IFFO2: variants seen among roughly 807,000 people sequenced by gnomAD.
IFFO2 encodes intermediate filament family orphan 2.
Under a neutral mutation model 53.5 loss-of-function variants are expected in IFFO2, and 19 were observed. That is an observed-to-expected ratio of 0.36 (90% CI 0.25 to 0.52). IFFO2 has a LOEUF of 0.52. Among genes scored for constraint, IFFO2 ranks in the 20% least tolerant of loss-of-function variants. The probability of loss-of-function intolerance (pLI) is 0.94; values close to 1 mark genes in which losing one functional copy is unlikely to be tolerated. For missense variants in IFFO2, 570 were observed against 727.4 expected (o/e 0.78, Z 2.49); for synonymous variants, 303 against 313.6 (o/e 0.97, Z 0.36).
intron 1 of IFFO2, among the ~76,000 whole-genome samples, chr1:18,923,275 C>A (rs1485899121): frequency 2.0e-5 from 3 of 152,230 alleles, no homozygotes; most frequent in Non-Finnish European, 4.4e-5. Context: ...CCCAGAGGGG[C>A]CCTTGGGAAT....
In IFFO2 at chr1:18,905,726, ACAAC is replaced by A. The variant is rs1230419697; in HGVS notation, c.*2831_*2834del. ...GTGTGTGTGTGTGTGTGTGTATTTCACAACCAACCAGGGAGCCAAAAGGATGCTA... is the reference window on the plus strand; with the variant it reads ...GTGTGTGTGTGTGTGTGTGTATTTCACAACCAGGGAGCCAAAAGGATGCTA... On this transcript the variant is annotated 3_prime_UTR_variant, in exon 9 of 9. Transcript: ENST00000455833. 6.6e-6 allele frequency: 1 copy of A among 150,998 alleles called. No individual in the cohort carries two copies. The allele number at this position is 150,998 out of a possible 1,614,324, so 9.4% of individuals were successfully genotyped here. A position where few individuals can be genotyped will look rare whatever the true frequency, so the allele number is the denominator to read the frequency against.
chr1:18,929,111 T>C (rs530915716), intron 1 of IFFO2, among the ~76,000 whole-genome samples: 1 of 152,340 alleles, frequency 6.6e-6, no homozygotes, highest in East Asian at 1.9e-4. Context: ...TGTAGGCAAT[T>C]CTGCAGAAGG....
At position 18,905,027 on chromosome 1, in the gene IFFO2, G is replaced by C. The variant is rs1395952327; in HGVS notation, c.*3534C>G. The C allele has an allele frequency of 1.3e-5, 2 of 152,248 alleles. No individual in the cohort carries two copies. Among genetic ancestry groups the C allele is most frequent in the Non-Finnish European group, 2.9e-5 (2 of 68,076 alleles). The allele number at this position is 152,248 out of a possible 1,614,324, so 9.4% of individuals were successfully genotyped here. ...CCCAACCCTCTCCCAACGCAACTGG[G>C]TTGGAAATGGATCTCGGCAGACCAG... On this transcript the variant is annotated 3_prime_UTR_variant, in exon 9 of 9. Transcript: ENST00000455833.
rs1380039196 is a variant in IFFO2 at position 18,956,164 on chromosome 1, A to G, written c.169T>C (p.Leu57=). 1.8e-5 allele frequency: 27 copies of G among 1,480,778 alleles called. No homozygotes were observed. The highest frequency in any genetic ancestry group is 2.0e-5 in the Non-Finnish European group (22 of 1,105,306). The allele number at this position is 1,480,778 out of a possible 1,614,324, so 91.7% of individuals were successfully genotyped here. The change falls in exon 1 of 9, where the codon TTG becomes CTG. Residue 57 remains leucine, a synonymous_variant. Coordinates refer to ENST00000455833, the MANE Select transcript of IFFO2 (RefSeq NM_001136265.2). The surrounding 1 kb of genome is among the most constrained non-coding windows in gnomAD (Gnocchi z 6.4). ...RDDLGSNIHL[L]KGLNVRFRCF... The stretch of plus-strand genomic sequence containing the variant: ...CGGAAGCGCACGTTGAGCCCCTTCA[A>G]GAGGTGGATGTTGGAGCCCAGGTCG...
intron 1 of IFFO2, among the ~76,000 whole-genome samples, chr1:18,940,892 C>G (rs551903951): frequency 2.0e-5 from 3 of 152,308 alleles, no homozygotes; most frequent in African/African-American, 7.2e-5. Flanking sequence ...CCAAGTCCCC[C>G]CCAAAAGCCA....
chr1:18,923,076 G>T (rs748879149), intron 1 of IFFO2, among the ~76,000 whole-genome samples: 1 of 152,340 alleles, frequency 6.6e-6, no homozygotes, highest in South Asian at 2.1e-4. Context: ...TTCCAAAGCC[G>T]CTGAGCAGGG....
Position 18,918,335 on chromosome 1 carries a change from G to A in IFFO2, c.963+27C>T, listed in dbSNP as rs1203368413. 1 of 1,541,358 alleles carries A rather than the reference G, an allele frequency of 6.5e-7. No individual in the cohort carries two copies. The highest frequency in any genetic ancestry group is 8.8e-7 in the Non-Finnish European group (1 of 1,138,414). ...GCTGCTCTGGGAGAGTGGGGGGTTG[G>A]CTGGTGAGCAGGGCAGCCCTAGTCA... On this transcript the variant is annotated intron_variant, in intron 4 of 8. Transcript: ENST00000455833. The surrounding 1 kb of genome is among the most constrained non-coding windows in gnomAD (Gnocchi z 5.2).
chr1:18,933,360 C>T (rs1302451316), intron 1 of IFFO2, among the ~76,000 whole-genome samples: 4 of 152,330 alleles, frequency 2.6e-5, no homozygotes, highest in South Asian at 4.1e-4. Context: ...CCCAGGGGCA[C>T]GAGAAAGGAA....
rs779606886 is a variant in IFFO2 at position 18,921,013 on chromosome 1, T to G, written c.726+48A>C. On this transcript the variant is annotated intron_variant, in intron 2 of 8. Transcript: ENST00000455833. ...ATGAAGACTGTGCCCCTTGGCCACA[T>G]GGCTCTCTGGCGTGCCTCTCCTGGT... is the stretch of plus-strand genomic sequence containing the variant. 3.9e-6 allele frequency: 6 copies of G among 1,520,198 alleles called. No homozygotes were observed. In the Admixed American group the frequency reaches 5.9e-5, roughly 15 times the overall value. The allele number at this position is 1,520,198 out of a possible 1,614,324, so 94.2% of individuals were successfully genotyped here.
chr1:18,909,547 C>T (rs376239970), intron 8 of IFFO2, among the ~76,000 whole-genome samples: 2 of 152,094 alleles, frequency 1.3e-5, no homozygotes, highest in African/African-American at 4.8e-5. Flanking sequence ...ATCGTGGGGG[C>T]GGTTTCCCCC....
chr1:18,932,344 T>C (rs1421839225), intron 1 of IFFO2, among the ~76,000 whole-genome samples: 1 of 152,212 alleles, frequency 6.6e-6, no homozygotes, highest in East Asian at 1.9e-4. Context: ...TCTGTTTCTT[T>C]CTGGCTCCAC....
At position 18,917,616 on chromosome 1, in the gene IFFO2, T is replaced by G. The variant is rs1936151950; in HGVS notation, c.964-574A>C. On this transcript the variant is annotated intron_variant, in intron 4 of 8. Transcript: ENST00000455833. This position sits in a 1 kb window ranked among gnomAD's most constrained non-coding sequence, Gnocchi z 5.9. ...AGAGGGCCCCAGGGAGGCCCAGATC[T>G]GGCCCAGCGACGTCAAAGTCACACA... Among the ~76,000 whole-genome samples, 1 of 152,190 alleles carries G rather than the reference T, an allele frequency of 6.6e-6. No homozygotes were observed. Among genetic ancestry groups the G allele is most frequent in the African/African-American group, 2.4e-5 (1 of 41,444 alleles).
chr1:18,955,987 G>C lies in IFFO2; in HGVS notation c.346C>G (p.Pro116Ala), dbSNP rs1021175827. 7 of 1,342,438 alleles carry C rather than the reference G, an allele frequency of 5.2e-6. No individual in the cohort carries two copies. The African/African-American group carries it at 6.2e-5, about 12-fold the overall frequency. 83.2% of individuals were successfully genotyped at this position (1,342,438 alleles called of 1,614,324 possible). A position where few individuals can be genotyped will look rare whatever the true frequency, so the allele number is the denominator to read the frequency against. ...CCGTGCCCGCCGCCGGGCGCCGGGG[G>C]CCGCAGCAACTCGGGCCCGGTCTGC... ...AVQTGPELLR[P>A]PAPGGGHGLS... is the part of the protein sequence containing the mutation. The change falls in exon 1 of 9, where the codon CCC becomes GCC. Residue 116 changes from proline to alanine, a missense_variant. Pro to Ala is a conservative substitution (Grantham distance 27). Transcript: ENST00000455833.
At chr1:18,933,587 G>A (rs540046909) in intron 1 of IFFO2, among the ~76,000 whole-genome samples, 6 of 152,074 alleles carry the variant, frequency 3.9e-5, no homozygotes, top group African/African-American at 7.2e-5. Context: ...GCAACATGGC[G>A]AAACCCCATC....
intron 1 of IFFO2, among the ~76,000 whole-genome samples, chr1:18,926,709 C>T (rs1285899095): frequency 6.6e-6 from 1 of 151,892 alleles, no homozygotes; most frequent in Non-Finnish European, 1.5e-5. Context: ...CCCCACCCCA[C>T]TCAGGGCCAG....
rs1342306261 is a variant in IFFO2 at position 18,919,766 on chromosome 1, T to C, written c.734A>G (p.Gln245Arg). Residue 245 changes from glutamine (Q) to arginine (R), a missense_variant, in exon 3 of 9, where the codon CAG becomes CGG. Transcript: ENST00000455833. The surrounding 1 kb of genome is among the most constrained non-coding windows in gnomAD (Gnocchi z 4.9). ...TMVDTLQEAAQEADAIQEEMN... is the reference protein window; with the variant it reads ...TMVDTLQEAAREADAIQEEMN... ...CTCCTCCTGGATGGCATCAGCCTCCTGTGCTGCCTGCGGGGACGGAGATGG... is the reference window on the plus strand; with the variant it reads ...CTCCTCCTGGATGGCATCAGCCTCCCGTGCTGCCTGCGGGGACGGAGATGG... 24 of 1,551,074 alleles carry C rather than the reference T, an allele frequency of 1.5e-5. No homozygotes were observed. Among genetic ancestry groups the C allele is most frequent in the Non-Finnish European group, 2.1e-5 (24 of 1,146,546 alleles).
chr1:18,935,727 T>C (rs1936439749), intron 1 of IFFO2, among the ~76,000 whole-genome samples: 1 of 150,340 alleles, frequency 6.7e-6, no homozygotes. Flanking sequence ...AGATAAGATC[T>C]CGCTGTGTGC....
At chr1:18,940,397 A>G (rs140836410) in intron 1 of IFFO2, among the ~76,000 whole-genome samples, 2 of 152,178 alleles carry the variant, frequency 1.3e-5, no homozygotes, top group Middle Eastern at 3.4e-3. Flanking sequence ...AAAATATCTA[A>G]CCAATCTCTA....
intron 1 of IFFO2, among the ~76,000 whole-genome samples, chr1:18,945,340 A>C (rs1936573113): frequency 6.6e-6 from 1 of 152,092 alleles, no homozygotes; most frequent in South Asian, 2.1e-4. Context: ...CTATTGCCAC[A>C]GTGGGCCAGG....
Sources: gnomAD v4.1 joint callset for allele counts (sites outside exome capture counted in the v4.1 genomes callset) on GRCh38, gnomAD v4.1.1 for gene constraint, Gnocchi (gnomAD v3.1) non-coding constraint, MANE v1.5 for transcripts, NCBI Gene and HGNC (gene_info 2026-07-23, HGNC 2026-07-21) for gene names.